The following RSRC1 variants were observed in gnomAD, a reference collection of about 807,000 sequenced individuals.
RSRC1 encodes arginine and serine rich coiled-coil 1.
A neutral mutation model predicts 49.1 loss-of-function variants in RSRC1; 39 were observed. That is an observed-to-expected ratio of 0.79 (90% CI 0.61 to 1.04). The LOEUF is 1.04. Among genes scored for constraint, RSRC1 ranks in the 50% least tolerant of loss-of-function variants. The probability of loss-of-function intolerance (pLI) is 0.00; values close to 1 mark genes in which losing one functional copy is unlikely to be tolerated. For missense variants in RSRC1, 388 were observed against 402.4 expected (o/e 0.96, Z 0.31); for synonymous variants, 143 against 130.8 (o/e 1.09, Z -0.63).
At chr3:158,128,187 C>G (rs1367966998) in intron 3 of RSRC1, among the ~76,000 whole-genome samples, 1 of 152,082 alleles carries the variant, frequency 6.6e-6, no homozygotes, top group South Asian at 2.1e-4. Flanking sequence ...TTGGGTGGCC[C>G]TCAGAAAAGT....
intron 7 of RSRC1, among the ~76,000 whole-genome samples, chr3:158,473,484 AGGGGAACATCACACACC>A (rs1031994594): frequency 3.3e-5 from 5 of 152,014 alleles, no homozygotes; most frequent in African/African-American, 1.2e-4. Context: ...GGACACAGGA[AGGGGAACATCACACACC>A]GGGGCCTGTT....
At chr3:158,424,853 T>C (rs1472007867) in intron 6 of RSRC1, among the ~76,000 whole-genome samples, 2 of 152,108 alleles carry the variant, frequency 1.3e-5, no homozygotes, top group Non-Finnish European at 2.9e-5. Context: ...CTAGATTTTC[T>C]AGTTTATTTG....
At chr3:158,331,778 A>C (rs1032644105) in intron 5 of RSRC1, among the ~76,000 whole-genome samples, 1 of 151,390 alleles carries the variant, frequency 6.6e-6, no homozygotes, top group Non-Finnish European at 1.5e-5. Context: ...ATATGCAAAA[A>C]ACCTGAATAA....
At chr3:158,363,384 C>T (rs1731585788) in intron 6 of RSRC1, among the ~76,000 whole-genome samples, 1 of 151,998 alleles carries the variant, frequency 6.6e-6, no homozygotes. Flanking sequence ...CTGCCTTAGC[C>T]TCCCAAGTAG....
At chr3:158,490,293 C>T (rs914473375) in intron 7 of RSRC1, among the ~76,000 whole-genome samples, 2 of 152,176 alleles carry the variant, frequency 1.3e-5, no homozygotes, top group Admixed American at 6.5e-5. Context: ...ACCACGTTAG[C>T]CAGGATGGTC....
At chr3:158,498,205 C>A (rs543379833) in intron 7 of RSRC1, among the ~76,000 whole-genome samples, 1 of 151,628 alleles carries the variant, frequency 6.6e-6, no homozygotes, top group East Asian at 1.9e-4. Flanking sequence ...TAGAAGTGTT[C>A]CCTGATCATC....
At chr3:158,489,421 A>G (rs1482152608) in intron 7 of RSRC1, among the ~76,000 whole-genome samples, 1 of 152,242 alleles carries the variant, frequency 6.6e-6, no homozygotes, top group Non-Finnish European at 1.5e-5. Context: ...TCAAGAGACT[A>G]TCTTAACATC....
At chr3:158,493,029 C>T (rs76335368) in intron 7 of RSRC1, among the ~76,000 whole-genome samples, 8,173 of 152,126 alleles carry the variant, frequency 0.054, 322 homozygotes, top group South Asian at 0.1. Context: ...TGCTCTATAA[C>T]GACAGGCAAT....
At chr3:158,289,613 A>G (rs1448535601) in intron 4 of RSRC1, among the ~76,000 whole-genome samples, 5 of 152,214 alleles carry the variant, frequency 3.3e-5, no homozygotes, top group Non-Finnish European at 4.4e-5. Context: ...ATTCTGAACT[A>G]TAGTAACATA....
At chr3:158,315,031 C>CAA (rs10692835) in intron 5 of RSRC1, among the ~76,000 whole-genome samples, 31,456 of 146,220 alleles carry the variant, frequency 0.22, 3,406 homozygotes, top group South Asian at 0.32. Flanking sequence ...GACTTTGTCT[C>CAA]AAAAAAAAAA....
chr3:158,494,468 A>G (rs1307878307), intron 7 of RSRC1, among the ~76,000 whole-genome samples: 1 of 152,210 alleles, frequency 6.6e-6, no homozygotes, highest in African/African-American at 2.4e-5. Flanking sequence ...GACTTTATAA[A>G]CACTGTACGT....
intron 5 of RSRC1, among the ~76,000 whole-genome samples, chr3:158,321,051 G>T (rs779013634): frequency 7.9e-5 from 12 of 151,800 alleles, no homozygotes; most frequent in Admixed American, 1.3e-4. Flanking sequence ...TTTTTTTAAA[G>T]AATTTCTTAT....
chr3:158,122,125 T>C lies in RSRC1; in HGVS notation c.21T>C (p.Asp7=). The change falls in exon 2 of 10, where the codon GAT becomes GAC. Residue 7 remains aspartate (D), a synonymous_variant. Transcript: ENST00000611884. Reference sequence around the variant, plus strand: ...TAGAAATGGGACGTCGGTCATCAGATACTGAAGAAGAAAGCAGAAGCAAGA... The same window carrying C: ...TAGAAATGGGACGTCGGTCATCAGACACTGAAGAAGAAAGCAGAAGCAAGA... MGRRSS[D]TEEESRSKRK... 1 of 1,535,300 alleles carries C rather than the reference T, an allele frequency of 6.5e-7. No homozygotes were observed. The highest frequency in any genetic ancestry group is 8.7e-7 in the Non-Finnish European group (1 of 1,143,052).
chr3:158,464,108 A>T (rs1217055028), intron 7 of RSRC1, among the ~76,000 whole-genome samples: 1 of 152,170 alleles, frequency 6.6e-6, no homozygotes, highest in African/African-American at 2.4e-5. Flanking sequence ...TTGACTTAAT[A>T]AATAATTGAC....
intron 6 of RSRC1, among the ~76,000 whole-genome samples, chr3:158,386,182 T>A (rs560686040): frequency 2.0e-5 from 3 of 152,152 alleles, no homozygotes; most frequent in South Asian, 2.1e-4. Context: ...AGGCATTTTT[T>A]AAAAAAGCTG....
At chr3:158,366,500 G>T (rs575238059) in intron 6 of RSRC1, among the ~76,000 whole-genome samples, 7 of 152,204 alleles carry the variant, frequency 4.6e-5, no homozygotes, top group African/African-American at 1.4e-4. Flanking sequence ...TGTTCCATTG[G>T]TTTATATATC....
chr3:158,216,154 CT>C (rs1217589401), intron 4 of RSRC1, among the ~76,000 whole-genome samples: 1 of 151,476 alleles, frequency 6.6e-6, no homozygotes, highest in African/African-American at 2.4e-5. Flanking sequence ...TTTGCCATCA[CT>C]TTTAATAGTT....
At chr3:158,461,997 GA>G (rs3086337) in intron 7 of RSRC1, among the ~76,000 whole-genome samples, 53,577 of 118,964 alleles carry the variant, frequency 0.45, 10,006 homozygotes, top group Middle Eastern at 0.55. Flanking sequence ...AAAACCAAGC[GA>G]AAAAAAAAAA....
chr3:158,237,662 A>G (rs1003341995), intron 4 of RSRC1, among the ~76,000 whole-genome samples: 2 of 152,146 alleles, frequency 1.3e-5, no homozygotes, highest in African/African-American at 2.4e-5. Flanking sequence ...CCTTTTGTCC[A>G]CTTAAAAAAA....
Sources: allele counts gnomAD v4.1 joint callset (sites outside exome capture counted in the v4.1 genomes callset), GRCh38; gene constraint gnomAD v4.1.1; transcripts MANE v1.5; gene names NCBI Gene and HGNC (gene_info 2026-07-23, HGNC 2026-07-21).